The following CDH8 variants were observed in gnomAD, a reference collection of about 807,000 sequenced individuals.
The protein encoded by CDH8 is cadherin-8.
A neutral mutation model predicts 68.1 loss-of-function variants in CDH8; 17 were observed. The ratio of observed to expected loss-of-function variants is 0.25; its 90% CI spans 0.17 to 0.37. The LOEUF is 0.37. Ranked by LOEUF, CDH8 falls within the 10% of genes least tolerant of loss-of-function variation. The pLI is 1.00. For missense variants in CDH8, 763 were observed against 999.3 expected (o/e 0.76, Z 3.19); for synonymous variants, 372 against 365.1 (o/e 1.02, Z -0.21).
At chr16:61,684,676 T>C (rs1003956603) in intron 10 of CDH8, among the ~76,000 whole-genome samples, 2 of 152,024 alleles carry the variant, frequency 1.3e-5, no homozygotes, top group Non-Finnish European at 2.9e-5. Context: ...TCCAGTGCTC[T>C]GCGCTGTACT....
At chr16:61,657,954 C>G (rs533345078) in intron 10 of CDH8, among the ~76,000 whole-genome samples, 1 of 152,118 alleles carries the variant, frequency 6.6e-6, no homozygotes, top group East Asian at 1.9e-4. Flanking sequence ...CTGGAATTTG[C>G]CTATCTTGCT....
chr16:61,902,076 T>C (rs1324792320), intron 2 of CDH8, among the ~76,000 whole-genome samples: 1 of 152,106 alleles, frequency 6.6e-6, no homozygotes, highest in Non-Finnish European at 1.5e-5. Flanking sequence ...TAAGATATTA[T>C]GTTTTTGAAA....
chr16:61,778,676 T>C (rs1288359270), intron 8 of CDH8, among the ~76,000 whole-genome samples: 4 of 152,150 alleles, frequency 2.6e-5, no homozygotes, highest in Admixed American at 1.3e-4. Flanking sequence ...TTATTTCCAT[T>C]CTCACTATAC....
At position 61,986,342 on chromosome 16, in the gene CDH8, AC is replaced by A. The variant is rs1330175299; in HGVS notation, c.252+34809del. On this transcript the variant is annotated intron_variant, in intron 2 of 11. Transcript: ENST00000577390. The stretch of plus-strand genomic sequence containing the variant: ...CAAGGGTAGGTTGGATCTTAAAGTT[AC>A]CCTGTGCAATTCCTTCACTCCTTTT... 2.6e-5 allele frequency among the ~76,000 whole-genome samples: 4 copies of A among 152,132 alleles called. No homozygotes were observed. The East Asian group carries it at 7.7e-4, about 29-fold the overall frequency.
At chr16:61,851,612 A>G (rs563573501) in intron 4 of CDH8, among the ~76,000 whole-genome samples, 9 of 152,080 alleles carry the variant, frequency 5.9e-5, no homozygotes, top group African/African-American at 2.2e-4. Flanking sequence ...TGTGCCCAAA[A>G]TATTACAGGC....
At chr16:61,841,326 T>C (rs1306933935) in intron 4 of CDH8, among the ~76,000 whole-genome samples, 1 of 152,162 alleles carries the variant, frequency 6.6e-6, no homozygotes, top group Non-Finnish European at 1.5e-5. Flanking sequence ...TTTCCACCAA[T>C]AATGTACTAT....
In CDH8 at chr16:61,901,260, T is replaced by C; in HGVS notation, c.466A>G (p.Lys156Glu). 1 of 1,614,026 alleles carries C rather than the reference T, an allele frequency of 6.2e-7. No individual in the cohort carries two copies. The highest frequency in any genetic ancestry group is 8.5e-7 in the Non-Finnish European group (1 of 1,179,908). ...PLEPPSEFII[K>E]VQDINDNAPE... is the part of the protein sequence containing the mutation. Reference sequence around the variant, plus strand: ...GCATTGTCATTGATGTCTTGAACTTTAATAATAAATTCAGAAGGAGGCTCC... The same window carrying C: ...GCATTGTCATTGATGTCTTGAACTTCAATAATAAATTCAGAAGGAGGCTCC... The change falls in exon 3 of 12, where the codon AAA becomes GAA. Residue 156 changes from lysine (K) to glutamate (E), a missense_variant. This residue lies in a region of CDH8 where 366 missense variants were observed against 563.1 expected (regional missense o/e 0.65). Coordinates refer to ENST00000577390, the MANE Select transcript of CDH8 (RefSeq NM_001796.5).
At chr16:61,872,153 C>A (rs1329845534) in intron 3 of CDH8, among the ~76,000 whole-genome samples, 3 of 152,168 alleles carry the variant, frequency 2.0e-5, no homozygotes, top group African/African-American at 7.2e-5. Context: ...AGGACAGAGG[C>A]AAAGATGTTT....
intron 8 of CDH8, among the ~76,000 whole-genome samples, chr16:61,779,054 G>A (rs1269195739): frequency 6.6e-6 from 1 of 152,144 alleles, no homozygotes; most frequent in East Asian, 1.9e-4. Flanking sequence ...AACTCAGAGA[G>A]ATTAATTTAA....
chr16:61,917,810 T>A (rs1211469300), intron 2 of CDH8, among the ~76,000 whole-genome samples: 1 of 152,030 alleles, frequency 6.6e-6, no homozygotes, highest in Non-Finnish European at 1.5e-5. Context: ...GGTGACAAGA[T>A]CTTCCCTACA....
chr16:62,033,617 T>C (rs1902380290), intron 1 of CDH8, among the ~76,000 whole-genome samples: 1 of 152,188 alleles, frequency 6.6e-6, no homozygotes, highest in East Asian at 1.9e-4. Flanking sequence ...GAGAATAGAT[T>C]AAAAAGTTTG....
chr16:61,702,690 G>A (rs1336761265), intron 10 of CDH8, among the ~76,000 whole-genome samples: 2 of 152,188 alleles, frequency 1.3e-5, no homozygotes, highest in Admixed American at 1.3e-4. Context: ...ATAGTTTGCA[G>A]AAAGGAAGCA....
At chr16:61,817,036 T>C (rs1962091057) in intron 7 of CDH8, among the ~76,000 whole-genome samples, 1 of 152,008 alleles carries the variant, frequency 6.6e-6, no homozygotes, top group Non-Finnish European at 1.5e-5. Flanking sequence ...GACACTATGG[T>C]CTCGTGCCTC....
chr16:62,028,426 T>C (rs1902247035), intron 1 of CDH8, among the ~76,000 whole-genome samples: 1 of 152,178 alleles, frequency 6.6e-6, no homozygotes, highest in South Asian at 2.1e-4. Context: ...GAAGTTTTTG[T>C]TTTCTTTAAG....
At position 61,710,191 on chromosome 16, in the gene CDH8, G is replaced by A. The variant is rs562899398; in HGVS notation, c.1654+3650C>T. On this transcript the variant is annotated intron_variant, in intron 10 of 11. Transcript: ENST00000577390. ...CCATCACAGCACAACTATGAGACAG[G>A]TATTTTATCCTGGTGTCACAGATTA... Among the ~76,000 whole-genome samples the A allele has an allele frequency of 1.3e-4, 20 of 152,136 alleles. 1 individual carries two copies. Among genetic ancestry groups the A allele is most frequent in the African/African-American group, 4.8e-4 (20 of 41,532 alleles).
At chr16:61,965,591 G>A (rs1597096361) in intron 2 of CDH8, among the ~76,000 whole-genome samples, 1 of 152,140 alleles carries the variant, frequency 6.6e-6, no homozygotes, top group African/African-American at 2.4e-5. Flanking sequence ...CACATAAGGT[G>A]GATGTCTCAT....
At chr16:61,853,223 A>C (rs1962976909) in intron 4 of CDH8, among the ~76,000 whole-genome samples, 1 of 152,100 alleles carries the variant, frequency 6.6e-6, no homozygotes, top group Admixed American at 6.6e-5. Context: ...TGGCAACAGA[A>C]AATAATTCCA....
At chr16:61,662,081 A>G (rs1027950121) in intron 10 of CDH8, among the ~76,000 whole-genome samples, 1 of 92,542 alleles carries the variant, frequency 1.1e-5, no homozygotes, top group Non-Finnish European at 2.3e-5. Flanking sequence ...CTTTAGTTTT[A>G]CTTTAGTTTT....
intron 2 of CDH8, among the ~76,000 whole-genome samples, chr16:61,904,996 T>C (rs985651625): frequency 2.0e-5 from 3 of 152,212 alleles, no homozygotes; most frequent in African/African-American, 7.2e-5. Flanking sequence ...ATGCTCCTTA[T>C]GAGAATCTAA....
Sources: gnomAD v4.1 joint callset for allele counts (sites outside exome capture counted in the v4.1 genomes callset) on GRCh38, gnomAD v4.1.1 for gene constraint, gnomAD v4.1.1 regional missense constraint, MANE v1.5 for transcripts, NCBI Gene and HGNC (gene_info 2026-07-23, HGNC 2026-07-21) for gene names.